METAP2: variants seen among roughly 807,000 people sequenced by gnomAD.
The protein encoded by METAP2 is methionine aminopeptidase 2.
A neutral mutation model predicts 59.4 loss-of-function variants in METAP2; 25 were observed. The ratio of observed to expected loss-of-function variants is 0.42; its 90% CI spans 0.31 to 0.59. The LOEUF (loss-of-function observed/expected upper bound fraction) is 0.59. METAP2 is among the 20% of genes least tolerant of loss of function. The pLI is 0.16. For missense variants in METAP2, 366 were observed against 581.2 expected, an observed-to-expected ratio of 0.63 and a Z score of 3.81; for synonymous variants, 214 against 194.1, an observed-to-expected ratio of 1.10 and a Z score of -0.85.
intron 3 of METAP2, among the ~76,000 whole-genome samples, chr12:95,484,534 T>C (rs1023679935): frequency 9.2e-5 from 14 of 152,052 alleles, no homozygotes; most frequent in African/African-American, 3.4e-4. Context: ...ATACTCTAAA[T>C]TGCTCCCTTC....
chr12:95,484,424 T>C (rs774662420), intron 3 of METAP2, among the ~76,000 whole-genome samples: 8 of 151,924 alleles, frequency 5.3e-5, no homozygotes, highest in Admixed American at 1.3e-4. Flanking sequence ...AAAAAAAAAT[T>C]ATTAAAAGTT....
intron 4 of METAP2, 62 bp downstream of exon 4, chr12:95,486,043 G>C (rs556738635): frequency 8.5e-7 from 1 of 1,173,746 alleles, no homozygotes; most frequent in African/African-American, 1.6e-5. Context: ...CAATAAAGCA[G>C]ATTTGACATT....
rs1333201773 is a variant in METAP2 at position 95,483,290 on chromosome 12, TTAAGTTAATGTTAATTGATA to T, written c.325+13_325+32del. 2 of 1,596,168 alleles carry T rather than the reference TTAAGTTAATGTTAATTGATA, an allele frequency of 1.3e-6. No homozygotes were observed. Among genetic ancestry groups the T allele is most frequent in the South Asian group, 2.2e-5 (2 of 90,642 alleles). On this transcript the variant is annotated intron_variant, in intron 3 of 10. Transcript: ENST00000323666. Reference sequence around the variant, plus strand: ...AAGAAGAAGAGAGGACGTTAGTGTCTTAAGTTAATGTTAATTGATATATTAGAAGTGTTTATTCTGTCGGG... The same window carrying T: ...AAGAAGAAGAGAGGACGTTAGTGTCTTATTAGAAGTGTTTATTCTGTCGGG...
Position 95,510,186 on chromosome 12 carries a change from G to A in METAP2, c.965-1709G>A, listed in dbSNP as rs563627892. On this transcript the variant is annotated intron_variant, in intron 8 of 10. Coordinates refer to ENST00000323666, the MANE Select transcript of METAP2 (RefSeq NM_006838.4). ...GAAATATTAACACAAAATGCACAAAGCATAAAAACTCAGCTTCTCAATTGC... is the reference window on the plus strand; with the variant it reads ...GAAATATTAACACAAAATGCACAAAACATAAAAACTCAGCTTCTCAATTGC... Among the ~76,000 whole-genome samples, 12 of 152,186 alleles carry A rather than the reference G, an allele frequency of 7.9e-5. No individual in the cohort carries two copies. The South Asian group carries it at 2.5e-3, about 32-fold the overall frequency.
At chr12:95,485,402 T>TA (rs1487562859) in intron 3 of METAP2, among the ~76,000 whole-genome samples, 2 of 152,178 alleles carry the variant, frequency 1.3e-5, no homozygotes, top group African/African-American at 2.4e-5. Context: ...TGACAAAAGT[T>TA]ACGATTTCAG....
intron 8 of METAP2, among the ~76,000 whole-genome samples, chr12:95,507,663 T>C (rs1159201216): frequency 3.3e-5 from 5 of 152,254 alleles, no homozygotes; most frequent in Non-Finnish European, 7.3e-5. Context: ...TACCACCTTA[T>C]TACGCCTTTT....
intron 7 of METAP2, among the ~76,000 whole-genome samples, chr12:95,503,844 A>G (rs2076335011): frequency 6.6e-6 from 1 of 152,188 alleles, no homozygotes; most frequent in African/African-American, 2.4e-5. Context: ...CTTACATTAG[A>G]CAGATTTTGT....
chr12:95,487,516 A>G (rs2076206042), intron 4 of METAP2, among the ~76,000 whole-genome samples: 1 of 152,028 alleles, frequency 6.6e-6, no homozygotes, highest in African/African-American at 2.4e-5. Flanking sequence ...TGCCACAGAT[A>G]CAGATAATTT....
chr12:95,511,830 G>A, intron 8 of METAP2, 65 bp from the exon 9 acceptor site: 1 of 1,132,254 alleles, frequency 8.8e-7, no homozygotes, highest in Non-Finnish European at 1.3e-6. Flanking sequence ...GTACCAAAAT[G>A]TAAGAGATCT....
At chr12:95,480,571 G>T (rs2140139284) in intron 2 of METAP2, among the ~76,000 whole-genome samples, 1 of 152,298 alleles carries the variant, frequency 6.6e-6, no homozygotes, top group East Asian at 1.9e-4. Context: ...TGGGTATGTA[G>T]TGCTTTGTCA....
chr12:95,506,189 G>A (rs1392160631), intron 8 of METAP2, among the ~76,000 whole-genome samples: 5 of 151,990 alleles, frequency 3.3e-5, no homozygotes, highest in Non-Finnish European at 7.4e-5. Context: ...GCACTCGGTG[G>A]AGTGCGCTCA....
intron 8 of METAP2, among the ~76,000 whole-genome samples, chr12:95,506,193 G>T (rs1298520109): frequency 1.3e-5 from 2 of 151,944 alleles, no homozygotes; most frequent in Non-Finnish European, 2.9e-5. Flanking sequence ...TCGGTGGAGT[G>T]CGCTCAGCTT....
chr12:95,491,342 C>T (rs369463894), intron 4 of METAP2, among the ~76,000 whole-genome samples: 14 of 152,170 alleles, frequency 9.2e-5, no homozygotes, highest in South Asian at 4.2e-4. Flanking sequence ...TCTTTCATTC[C>T]TTCTACATTT....
rs530342448 is a variant in METAP2 at position 95,491,264 on chromosome 12, A to G, written c.429-2792A>G. ...AACAACTTTTCACTTAATTCTTTTA[A>G]TATCCATTGATGATCCTTGCTTTTA... On this transcript the variant is annotated intron_variant, in intron 4 of 10. Transcript: ENST00000323666. Among the ~76,000 whole-genome samples the G allele has an allele frequency of 2.6e-5, 4 of 152,258 alleles. No homozygotes were observed. In the East Asian group the frequency reaches 7.7e-4, roughly 29 times the overall value.
At position 95,482,647 on chromosome 12, in the gene METAP2, A is replaced by G. The variant is rs1051327962; in HGVS notation, c.260-568A>G. ...AAAAAAAAAAAAAAATTAGATGGGC[A>G]TGGTGGCATGCACCTGTAATCCCAG... On this transcript the variant is annotated intron_variant, in intron 2 of 10. Transcript: ENST00000323666. 2.0e-5 allele frequency among the ~76,000 whole-genome samples: 3 copies of G among 150,786 alleles called. No individual in the cohort carries two copies. In the East Asian group the frequency reaches 5.9e-4, roughly 30 times the overall value.
At chr12:95,497,210 T>C (rs1050022755) in intron 7 of METAP2, among the ~76,000 whole-genome samples, 2 of 152,346 alleles carry the variant, frequency 1.3e-5, no homozygotes, top group Middle Eastern at 3.4e-3. Flanking sequence ...TTACTCTTCA[T>C]GTTATAAAAC....
chr12:95,504,927 C>T (rs1736905904), intron 8 of METAP2, among the ~76,000 whole-genome samples: 1 of 152,144 alleles, frequency 6.6e-6, no homozygotes, highest in African/African-American at 2.4e-5. Context: ...TCCCAGAGTC[C>T]CCTGTGCTTT....
At chr12:95,506,339 C>CAGGCTAG (rs1429611586) in intron 8 of METAP2, among the ~76,000 whole-genome samples, 1 of 148,370 alleles carries the variant, frequency 6.7e-6, no homozygotes, top group Non-Finnish European at 1.5e-5. Flanking sequence ...CTCTGTCGCC[C>CAGGCTAG]AGGCTAGAGT....
In METAP2 at chr12:95,476,144, A is replaced by G. The variant is rs777643357; in HGVS notation, c.225A>G (p.Ala75=). Residue 75 remains alanine, a synonymous_variant, in exon 2 of 11, where the codon GCA becomes GCG. Coordinates refer to ENST00000323666, the MANE Select transcript of METAP2 (RefSeq NM_006838.4). ...TAGCAAGACAGTTGGAAAGATCAGC[A>G]TTGGAAGATAAAGAAAGAGATGAAG... The part of the protein sequence containing the change: ...DEVARQLERS[A]LEDKERDEDD... 5.0e-6 allele frequency: 8 copies of G among 1,610,560 alleles called. No individual in the cohort carries two copies. The East Asian group carries it at 8.9e-5, about 18-fold the overall frequency.
Sources: gnomAD v4.1 joint callset for allele counts (sites outside exome capture counted in the v4.1 genomes callset) on GRCh38, gnomAD v4.1.1 for gene constraint, MANE v1.5 for transcripts, NCBI Gene and HGNC (gene_info 2026-07-23, HGNC 2026-07-21) for gene names.